CNTN5: variants seen among roughly 807,000 people sequenced by gnomAD.
The protein encoded by CNTN5 is contactin-5.
CNTN5 carries 77 observed loss-of-function variants against 129.1 expected under a neutral mutation model. The ratio of observed to expected loss-of-function variants is 0.60; its 90% CI spans 0.50 to 0.72. The LOEUF is 0.72. Among genes scored for constraint, CNTN5 ranks in the 30% least tolerant of loss-of-function variants. The pLI is 0.00. For synonymous variants in CNTN5, 509 were observed against 465.6 expected (o/e 1.09, Z -1.20); for missense variants, 1,478 against 1,328.8 (o/e 1.11, Z -1.75).
chr11:99,878,959 G>A (rs1445638054), intron 6 of CNTN5, among the ~76,000 whole-genome samples: 1 of 152,172 alleles, frequency 6.6e-6, no homozygotes, highest in Non-Finnish European at 1.5e-5. Context: ...TTGAGACGGA[G>A]TCTGGCTCTG....
At chr11:99,186,592 A>C (rs1371142478) in intron 1 of CNTN5, among the ~76,000 whole-genome samples, 1 of 152,006 alleles carries the variant, frequency 6.6e-6, no homozygotes, top group African/African-American at 2.4e-5. Context: ...GAGAATGGTT[A>C]ATGTGACTTT....
rs1952136964 is a variant in CNTN5, at chr11:100,340,619, AG to A, written c.2888del (p.Ser963MetfsTer3). 1 of 1,607,178 alleles carries A rather than the reference AG, an allele frequency of 6.2e-7. No individual in the cohort carries two copies. The highest frequency in any genetic ancestry group is 1.7e-5 in the Admixed American group (1 of 58,340). ...TGGAGCTGGATATGGGCCACCTAGC[AG>A]TGAAGTGAGTGCAACCACCAAGAAA... ...YNGAGYGPPS[S>X]EVSATTKKSP... On this transcript the variant is annotated frameshift_variant, in exon 22 of 25. Transcript: ENST00000524871. LOFTEE classifies it high-confidence loss of function.
chr11:99,309,782 A>G (rs1865030876), intron 1 of CNTN5, among the ~76,000 whole-genome samples: 3 of 152,184 alleles, frequency 2.0e-5, no homozygotes. Flanking sequence ...GTTTTATATG[A>G]TAATATTAAT....
intron 16 of CNTN5, among the ~76,000 whole-genome samples, chr11:100,249,796 AC>A (rs752290370): frequency 1.3e-5 from 2 of 152,184 alleles, no homozygotes; most frequent in Non-Finnish European, 1.5e-5. Flanking sequence ...GCCTTAAAAA[AC>A]AAAGATACTG....
chr11:100,199,691 A>T (rs1309690606), intron 15 of CNTN5, among the ~76,000 whole-genome samples: 1 of 151,796 alleles, frequency 6.6e-6, no homozygotes, highest in African/African-American at 2.4e-5. Context: ...TTCCGAAAGC[A>T]AATAAGAATG....
At chr11:100,203,186 A>G (rs1948825332) in intron 15 of CNTN5, among the ~76,000 whole-genome samples, 1 of 152,070 alleles carries the variant, frequency 6.6e-6, no homozygotes, top group East Asian at 1.9e-4. Flanking sequence ...ACATCTTAAA[A>G]TATCCTACTA....
chr11:99,701,868 A>C (rs899619531), intron 3 of CNTN5, among the ~76,000 whole-genome samples: 73 of 150,980 alleles, frequency 4.8e-4, no homozygotes, highest in African/African-American at 1.7e-3. Context: ...GGCCTTTAAC[A>C]TTGCTTTATT....
chr11:99,161,833 A>G (rs905379699), intron 1 of CNTN5, among the ~76,000 whole-genome samples: 9 of 152,156 alleles, frequency 5.9e-5, no homozygotes, highest in African/African-American at 2.2e-4. Context: ...TGCTAATATC[A>G]TATTGCCACT....
At chr11:100,067,692 T>C (rs1220605679) in intron 10 of CNTN5, among the ~76,000 whole-genome samples, 1 of 152,066 alleles carries the variant, frequency 6.6e-6, no homozygotes, top group African/African-American at 2.4e-5. Context: ...CACTTTTACT[T>C]GTAGAATTCT....
At chr11:99,319,548 C>G (rs1276657378) in intron 1 of CNTN5, among the ~76,000 whole-genome samples, 1 of 152,166 alleles carries the variant, frequency 6.6e-6, no homozygotes, top group Non-Finnish European at 1.5e-5. Context: ...AATGTTTATG[C>G]TCAGAGACCT....
At chr11:100,302,940 G>A (rs1286433921) in intron 20 of CNTN5, among the ~76,000 whole-genome samples, 1 of 151,492 alleles carries the variant, frequency 6.6e-6, no homozygotes, top group Admixed American at 6.6e-5. Flanking sequence ...TAAATCACTT[G>A]GGATATGACC....
At chr11:100,224,480 T>A (rs1431729493) in intron 15 of CNTN5, among the ~76,000 whole-genome samples, 2 of 152,190 alleles carry the variant, frequency 1.3e-5, no homozygotes, top group African/African-American at 4.8e-5. Context: ...TTATATGCAA[T>A]ATTAAATGTT....
intron 9 of CNTN5, among the ~76,000 whole-genome samples, chr11:100,057,152 C>A (rs545977903): frequency 6.7e-6 from 1 of 149,076 alleles, no homozygotes; most frequent in Non-Finnish European, 1.5e-5. Flanking sequence ...TTATACTGAT[C>A]ATTCAGCTCA....
At chr11:99,879,591 T>G (rs1948720553) in intron 6 of CNTN5, among the ~76,000 whole-genome samples, 1 of 151,564 alleles carries the variant, frequency 6.6e-6, no homozygotes, top group African/African-American at 2.4e-5. Flanking sequence ...TGTTTGAGTT[T>G]GGGTTTTTTT....
intron 3 of CNTN5, among the ~76,000 whole-genome samples, chr11:99,720,639 G>C (rs1943141406): frequency 6.6e-6 from 1 of 151,974 alleles, no homozygotes; most frequent in Non-Finnish European, 1.5e-5. Flanking sequence ...CATAGTATTG[G>C]ACATCCTAGA....
intron 3 of CNTN5, among the ~76,000 whole-genome samples, chr11:99,644,978 A>C (rs10893648): frequency 2.0e-5 from 3 of 151,384 alleles, no homozygotes; most frequent in African/African-American, 7.3e-5. Flanking sequence ...GAAAAAAAAA[A>C]TTTTGAGGTC....
chr11:100,348,206 C>A (rs476802), intron 23 of CNTN5, among the ~76,000 whole-genome samples: 103,766 of 151,606 alleles, frequency 0.68, 36,125 homozygotes, highest in East Asian at 0.97. Flanking sequence ...CTATTTTTTT[C>A]TATGTCTTGA....
intron 12 of CNTN5, among the ~76,000 whole-genome samples, chr11:100,073,677 GT>G (rs1402516242): frequency 1.3e-5 from 2 of 151,672 alleles, no homozygotes; most frequent in Non-Finnish European, 2.9e-5. Context: ...TTTAAACAAT[GT>G]ATTATATAAA....
At chr11:99,029,978 G>GA (rs1863286965) in intron 1 of CNTN5, among the ~76,000 whole-genome samples, 1 of 152,142 alleles carries the variant, frequency 6.6e-6, no homozygotes, top group Non-Finnish European at 1.5e-5. Context: ...GGAATGAAAT[G>GA]AAAATCTAGG....
Sources: allele counts gnomAD v4.1 joint callset (sites outside exome capture counted in the v4.1 genomes callset), GRCh38; gene constraint gnomAD v4.1.1; transcripts MANE v1.5; gene names NCBI Gene and HGNC (gene_info 2026-07-23, HGNC 2026-07-21).